Variants in PREX2 observed in about 807,000 individuals in gnomAD.
The protein encoded by PREX2 is phosphatidylinositol-3,4,5-trisphosphate dependent Rac exchange factor 2, also known as phosphatidylinositol 3,4,5-trisphosphate-dependent Rac exchanger 2 protein.
Under a neutral mutation model 203.2 loss-of-function variants are expected in PREX2, and 107 were observed. That is an observed-to-expected ratio of 0.53 (90% confidence interval 0.45 to 0.62). The LOEUF is 0.62. Ranked by LOEUF, PREX2 falls within the 20% of genes least tolerant of loss-of-function variation. The pLI is 0.00. For missense variants in PREX2, 1,777 were observed against 1,955.9 expected (o/e 0.91, Z 1.72); for synonymous variants, 672 against 663.6 (o/e 1.01, Z -0.19).
chr8:68,120,473 A>T (rs754591229), intron 29 of PREX2, among the ~76,000 whole-genome samples, 187 bp downstream of exon 29: 8 of 152,200 alleles, frequency 5.3e-5, no homozygotes, highest in Non-Finnish European at 7.3e-5. Context: ...GAATTTTTAC[A>T]TGTCTGTTTC....
chr8:68,172,758 T>C (rs1372719950), intron 35 of PREX2, among the ~76,000 whole-genome samples: 1 of 152,132 alleles, frequency 6.6e-6, no homozygotes, highest in Admixed American at 6.5e-5. Context: ...ATTGTAGTTA[T>C]GGAAGCTGGG....
chr8:68,107,037 C>T (rs188195708), intron 23 of PREX2, among the ~76,000 whole-genome samples: 20 of 152,176 alleles, frequency 1.3e-4, no homozygotes, highest in Admixed American at 1.1e-3. Flanking sequence ...ATGTATTAGC[C>T]TCATGGGGTT....
chr8:67,954,484 A>G (rs1018582568), intron 1 of PREX2, among the ~76,000 whole-genome samples: 8 of 152,212 alleles, frequency 5.3e-5, no homozygotes, highest in Non-Finnish European at 1.0e-4. Context: ...TTTTGATATT[A>G]GACTATGCTA....
intron 1 of PREX2, chr8:67,952,789 G>T: frequency 1.7e-6 from 1 of 588,902 alleles, no homozygotes; most frequent in Non-Finnish European, 3.0e-6. Flanking sequence ...TAGCTCTAGA[G>T]AAGAGAGCTC....
At chr8:68,197,965 C>A (rs1812431777) in intron 37 of PREX2, among the ~76,000 whole-genome samples, 1 of 151,878 alleles carries the variant, frequency 6.6e-6, no homozygotes, top group Non-Finnish European at 1.5e-5. Flanking sequence ...TACAGAGCGG[C>A]ATCTTTCTAT....
Position 68,137,858 on chromosome 8 carries a change from G to A in PREX2, c.3985-557G>A, listed in dbSNP as rs949917586. On this transcript the variant is annotated intron_variant, in intron 32 of 39. Coordinates refer to ENST00000288368, the MANE Select transcript of PREX2 (RefSeq NM_024870.4). ...TACTCACAAGATTCTAGACTAAGACGCCATAAAGCCAAGTGAGGTGAAAAT... is the reference window on the plus strand; with the variant it reads ...TACTCACAAGATTCTAGACTAAGACACCATAAAGCCAAGTGAGGTGAAAAT... Among the ~76,000 whole-genome samples the A allele has an allele frequency of 9.9e-5, 15 of 152,204 alleles. No individual in the cohort carries two copies. In the East Asian group the frequency reaches 2.5e-3, roughly 26 times the overall value.
rs765282429 is a variant in PREX2 at position 68,038,134 on chromosome 8, A to G, written c.706-25A>G. The G allele has an allele frequency of 3.7e-6, 6 of 1,606,006 alleles. No individual in the cohort carries two copies. In the South Asian group the frequency reaches 6.6e-5, roughly 18 times the overall value. On this transcript the variant is annotated intron_variant, in intron 6 of 39. Coordinates refer to ENST00000288368, the MANE Select transcript of PREX2 (RefSeq NM_024870.4). ...AGAAGTGTCAACCAAGTAAGCAGACATTAATTGCATTTCTCCTGACTTAGG... is the reference window on the plus strand; with the variant it reads ...AGAAGTGTCAACCAAGTAAGCAGACGTTAATTGCATTTCTCCTGACTTAGG...
intron 33 of PREX2, 35 bp downstream of exon 33, chr8:68,138,552 A>T: frequency 1.9e-6 from 2 of 1,028,862 alleles, no homozygotes; most frequent in Non-Finnish European, 3.0e-6. Context: ...TTTATTTGGC[A>T]TCAAATAATT....
chr8:68,005,696 C>G (rs1162703620), intron 1 of PREX2, among the ~76,000 whole-genome samples: 4 of 152,160 alleles, frequency 2.6e-5, no homozygotes, highest in Admixed American at 1.3e-4. Context: ...TTCTAAGAAG[C>G]CTTTCCATTC....
intron 8 of PREX2, among the ~76,000 whole-genome samples, chr8:68,047,488 T>TATATATATACATAC (rs1808395769): frequency 9.1e-6 from 1 of 110,392 alleles, no homozygotes; most frequent in African/African-American, 5.1e-5. Context: ...TATATATATA[T>TATATATATACATAC]ATATATATAT....
At chr8:68,179,201 T>C (rs1164971664) in intron 35 of PREX2, among the ~76,000 whole-genome samples, 6 of 152,208 alleles carry the variant, frequency 3.9e-5, no homozygotes, top group African/African-American at 1.2e-4. Flanking sequence ...ACAGTTTGCA[T>C]TGACCAAATC....
At chr8:68,095,349 A>G (rs1013294326) in intron 21 of PREX2, among the ~76,000 whole-genome samples, 1 of 151,980 alleles carries the variant, frequency 6.6e-6, no homozygotes, top group African/African-American at 2.4e-5. Flanking sequence ...CCATCCTGAC[A>G]CTAGCTGTGG....
chr8:68,146,201 C>A lies in PREX2; in HGVS notation c.4088-8C>A. The A allele has an allele frequency of 6.3e-7, 1 of 1,593,226 alleles. No individual in the cohort carries two copies. Among genetic ancestry groups the A allele is most frequent in the South Asian group, 1.1e-5 (1 of 89,574 alleles). ...TAGGAAGTAATATACTATTAAATAT[C>A]ATTTTAGATGTTCCTCTTACATATC... On this transcript the variant is annotated splice_polypyrimidine_tract_variant and splice_region_variant and intron_variant, in intron 33 of 39. Transcript: ENST00000288368.
chr8:68,183,659 A>C (rs757654630), intron 35 of PREX2, among the ~76,000 whole-genome samples: 2 of 152,114 alleles, frequency 1.3e-5, no homozygotes, highest in Non-Finnish European at 2.9e-5. Flanking sequence ...ATCAAAGTGG[A>C]GTGACGGAGC....
rs185751629 is a variant in PREX2, at chr8:68,167,517, G to A, written c.4346+10081G>A. 5.0e-3 allele frequency among the ~76,000 whole-genome samples: 763 copies of A among 152,076 alleles called. 5 individuals carry two copies. The highest frequency in any genetic ancestry group is 0.016 in the African/African-American group (681 of 41,490). On this transcript the variant is annotated intron_variant, in intron 35 of 39. Coordinates refer to ENST00000288368, the MANE Select transcript of PREX2 (RefSeq NM_024870.4). ...CAGCTAATTTTTGTATTTTTTGGTA[G>A]AGACGGAGTTTCACCATGTTGGCCA...
intron 37 of PREX2, among the ~76,000 whole-genome samples, chr8:68,213,061 C>A (rs1812771741): frequency 6.6e-6 from 1 of 152,118 alleles, no homozygotes; most frequent in Admixed American, 6.5e-5. Context: ...TGACTGTGTA[C>A]AATGGGCAGT....
chr8:67,981,293 A>G (rs1391061713), intron 1 of PREX2, among the ~76,000 whole-genome samples: 1 of 152,212 alleles, frequency 6.6e-6, no homozygotes, highest in Non-Finnish European at 1.5e-5. Flanking sequence ...AGGGATTGCA[A>G]TTTGTTCTGG....
chr8:68,079,283 C>T (rs772135479), intron 15 of PREX2, among the ~76,000 whole-genome samples: 4 of 152,196 alleles, frequency 2.6e-5, no homozygotes, highest in African/African-American at 4.8e-5. Context: ...AGTCTTTCAA[C>T]CAAAGATCAA....
intron 37 of PREX2, among the ~76,000 whole-genome samples, chr8:68,208,384 A>G (rs549144137): frequency 3.6e-4 from 55 of 152,294 alleles, no homozygotes; most frequent in Non-Finnish European, 5.3e-4. Context: ...GGAAAGCAAT[A>G]ATTTTAATCC....
Sources: allele counts gnomAD v4.1 joint callset (sites outside exome capture counted in the v4.1 genomes callset), GRCh38; gene constraint gnomAD v4.1.1; transcripts MANE v1.5; gene names NCBI Gene and HGNC (gene_info 2026-07-23, HGNC 2026-07-21).